The following SLC22A23 variants were observed in gnomAD, a reference collection of about 807,000 sequenced individuals.
SLC22A23 encodes the protein ion transporter protein.
A neutral mutation model predicts 61.0 loss-of-function variants in SLC22A23; 26 were observed. The observed-to-expected ratio is 0.43, with a 90% CI of 0.31 to 0.59. The LOEUF is 0.59. SLC22A23 is among the 20% of genes least tolerant of loss of function. The pLI, the probability that SLC22A23 is intolerant of heterozygous loss-of-function variation, is 0.11. For synonymous variants in SLC22A23, 430 were observed against 413.9 expected, an observed-to-expected ratio of 1.04 and a Z score of -0.47; for missense variants, 796 against 934.7, an observed-to-expected ratio of 0.85 and a Z score of 1.94.
chr6:3,349,937 G>C (rs1245319845), intron 3 of SLC22A23, among the ~76,000 whole-genome samples: 2 of 152,204 alleles, frequency 1.3e-5, no homozygotes, highest in Non-Finnish European at 2.9e-5. Flanking sequence ...GAAGGCAGAT[G>C]ATCACGGTCG....
Position 3,376,406 on chromosome 6 carries a change from C to T in SLC22A23, c.913+33782G>A, listed in dbSNP as rs1430594025. Among the ~76,000 whole-genome samples, 6 of 152,142 alleles carry T rather than the reference C, an allele frequency of 3.9e-5. No individual in the cohort carries two copies. The East Asian group carries it at 7.7e-4, about 20-fold the overall frequency. On this transcript the variant is annotated intron_variant, in intron 3 of 9. Transcript: ENST00000406686. ...TTATAGTCCCTACCGCCCCTCACCT[C>T]GCACCTTCCCTCTGCCTGCCCCCAC...
chr6:3,424,308 T>A (rs1415592135), intron 1 of SLC22A23, among the ~76,000 whole-genome samples: 1 of 152,208 alleles, frequency 6.6e-6, no homozygotes, highest in Non-Finnish European at 1.5e-5. Context: ...CCAACTTTTC[T>A]GGCTTGATGC....
In SLC22A23 at chr6:3,427,242, G is replaced by A. The variant is rs907924709; in HGVS notation, c.655-11387C>T. Reference sequence around the variant, plus strand: ...AAAAATAACATCGGGAATGCGCCTGGTGCAGTAACCGGCACAAAGTGATTA... The same window carrying A: ...AAAAATAACATCGGGAATGCGCCTGATGCAGTAACCGGCACAAAGTGATTA... On this transcript the variant is annotated intron_variant, in intron 1 of 9. Transcript: ENST00000406686. This position sits in a 1 kb window ranked among gnomAD's most constrained non-coding sequence, Gnocchi z 4.3. Among the ~76,000 whole-genome samples, 6 of 152,142 alleles carry A rather than the reference G, an allele frequency of 3.9e-5. No individual in the cohort carries two copies. Among genetic ancestry groups the A allele is most frequent in the Non-Finnish European group, 7.3e-5 (5 of 68,032 alleles).
At chr6:3,444,294 C>A (rs1490150816) in intron 1 of SLC22A23, among the ~76,000 whole-genome samples, 1 of 152,194 alleles carries the variant, frequency 6.6e-6, no homozygotes, top group African/African-American at 2.4e-5. Context: ...TAAACCCCAG[C>A]CTGCAGAAGA....
rs1581871938 is a variant in SLC22A23, at chr6:3,427,878, G to C, written c.655-12023C>G. Among the ~76,000 whole-genome samples the C allele has an allele frequency of 6.6e-6, 1 of 152,318 alleles. No homozygotes were observed. The highest frequency in any genetic ancestry group is 2.1e-4 in the South Asian group (1 of 4,826). The stretch of plus-strand genomic sequence containing the variant: ...ATGACAGCAGAGTGTGACTGTGCAG[G>C]CTGGCTCCCGGCCCCCGCCCTCTGG... On this transcript the variant is annotated intron_variant, in intron 1 of 9. Coordinates refer to ENST00000406686, the MANE Select transcript of SLC22A23 (RefSeq NM_015482.2). The surrounding 1 kb of genome is among the most constrained non-coding windows in gnomAD (Gnocchi z 4.3).
intron 3 of SLC22A23, among the ~76,000 whole-genome samples, chr6:3,401,095 A>G (rs1464170245): frequency 3.3e-5 from 5 of 152,248 alleles, no homozygotes; most frequent in Admixed American, 2.0e-4. Context: ...TAATCCCAGC[A>G]CTTCGGGAGG....
intron 6 of SLC22A23, among the ~76,000 whole-genome samples, chr6:3,288,216 G>A (rs187120722): frequency 1.1e-4 from 16 of 152,270 alleles, no homozygotes; most frequent in Admixed American, 9.8e-4. Flanking sequence ...GTGCCTCGAG[G>A]GACCCTTCTT....
chr6:3,350,638 C>T (rs989264966), intron 3 of SLC22A23, among the ~76,000 whole-genome samples: 7 of 152,228 alleles, frequency 4.6e-5, no homozygotes, highest in African/African-American at 1.7e-4. Flanking sequence ...GAAGCTTTGA[C>T]AGCTGCAGGC....
chr6:3,298,941 C>T (rs1323219545), intron 4 of SLC22A23, among the ~76,000 whole-genome samples: 2 of 146,718 alleles, frequency 1.4e-5, no homozygotes, highest in Non-Finnish European at 1.5e-5. Flanking sequence ...CACTGCAGTC[C>T]GCAGTCCGGC....
intron 9 of SLC22A23, among the ~76,000 whole-genome samples, chr6:3,281,872 T>A (rs1759503035): frequency 6.6e-6 from 1 of 152,164 alleles, no homozygotes; most frequent in African/African-American, 2.4e-5. Flanking sequence ...CACAAAAGCA[T>A]CACCAAGGGT....
chr6:3,404,411 A>G (rs1768649318), intron 3 of SLC22A23, among the ~76,000 whole-genome samples: 2 of 152,318 alleles, frequency 1.3e-5, no homozygotes, highest in Non-Finnish European at 2.9e-5. Context: ...GTGAGATGAT[A>G]TATCCTTACA....
At chr6:3,276,631 C>T (rs918273811) in intron 9 of SLC22A23, 4 of 152,366 alleles carry the variant, frequency 2.6e-5, no homozygotes, top group Admixed American at 6.5e-5. Flanking sequence ...GTCTGGTGCT[C>T]GCTCTGTGAG....
At chr6:3,379,537 GAGA>G (rs1766819773) in intron 3 of SLC22A23, among the ~76,000 whole-genome samples, 1 of 152,170 alleles carries the variant, frequency 6.6e-6, no homozygotes, top group Non-Finnish European at 1.5e-5. Flanking sequence ...GGTGGGCAGA[GAGA>G]AGGATAGACA....
chr6:3,275,973 C>T (rs1002393472), intron 9 of SLC22A23, among the ~76,000 whole-genome samples: 8 of 152,236 alleles, frequency 5.3e-5, no homozygotes, highest in African/African-American at 1.9e-4. Flanking sequence ...CAAAGGTGAC[C>T]TGGGCAGGGA....
Position 3,282,397 on chromosome 6 carries a change from G to A in SLC22A23, c.1703+1455C>T, listed in dbSNP as rs892722909. ...CTTGGCATTTCTGTCCAGGTGCCCAGTAGCTGTCAGGCTGGGCCTGTAGGA... is the reference window on the plus strand; with the variant it reads ...CTTGGCATTTCTGTCCAGGTGCCCAATAGCTGTCAGGCTGGGCCTGTAGGA... On this transcript the variant is annotated intron_variant, in intron 9 of 9. Coordinates refer to ENST00000406686, the MANE Select transcript of SLC22A23 (RefSeq NM_015482.2). 1.5e-5 allele frequency: 10 copies of A among 688,996 alleles called. No homozygotes were observed. The African/African-American group carries it at 1.6e-4, about 11-fold the overall frequency. The allele number at this position is 688,996 out of a possible 1,614,324, so 42.7% of individuals were successfully genotyped here.
At chr6:3,389,209 A>G (rs1245325124) in intron 3 of SLC22A23, among the ~76,000 whole-genome samples, 2 of 133,564 alleles carry the variant, frequency 1.5e-5, no homozygotes, top group Non-Finnish European at 1.6e-5. Flanking sequence ...TGGAGGTTGC[A>G]GTGAGCCAAG....
intron 3 of SLC22A23, among the ~76,000 whole-genome samples, chr6:3,409,696 C>T (rs1013136877): frequency 7.2e-5 from 11 of 152,172 alleles, no homozygotes; most frequent in African/African-American, 2.4e-4. Context: ...AAAGAAATGT[C>T]TCACCCTCCT....
intron 6 of SLC22A23, among the ~76,000 whole-genome samples, chr6:3,287,682 T>TG (rs796543640): frequency 0.054 from 8,193 of 150,632 alleles, 295 homozygotes; most frequent in Middle Eastern, 0.092. Context: ...ACTGTTTTTT[T>TG]TTTTGTTTTG....
Position 3,448,176 on chromosome 6 carries a change from T to G in SLC22A23, c.654+7730A>C, listed in dbSNP as rs539734621. Reference sequence around the variant, plus strand: ...CCTCGGCCTCCCGAAGTGCTGGGATTACAGGCGTGAGCCACCGCGCCCGGC... The same window carrying G: ...CCTCGGCCTCCCGAAGTGCTGGGATGACAGGCGTGAGCCACCGCGCCCGGC... On this transcript the variant is annotated intron_variant, in intron 1 of 9. Coordinates refer to ENST00000406686, the MANE Select transcript of SLC22A23 (RefSeq NM_015482.2). 7.8e-4 allele frequency among the ~76,000 whole-genome samples: 118 copies of G among 152,230 alleles called. 1 individual carries two copies. The highest frequency in any genetic ancestry group is 2.8e-3 in the African/African-American group (115 of 41,536).
Sources: allele counts gnomAD v4.1 joint callset (sites outside exome capture counted in the v4.1 genomes callset), GRCh38; gene constraint gnomAD v4.1.1; non-coding constraint Gnocchi (gnomAD v3.1); transcripts MANE v1.5; gene names NCBI Gene and HGNC (gene_info 2026-07-23, HGNC 2026-07-21).